AXIN2: variants seen among roughly 807,000 people sequenced by gnomAD.
The protein encoded by AXIN2 is axin-2.
Under a neutral mutation model 74.7 loss-of-function variants are expected in AXIN2, and 21 were observed. The observed-to-expected ratio is 0.28, with a 90% confidence interval of 0.20 to 0.40. AXIN2 has a LOEUF of 0.40. Among genes scored for constraint, AXIN2 ranks in the 10% least tolerant of loss-of-function variants. The pLI is 1.00. For missense variants in AXIN2, 1,144 were observed against 1,111.1 expected, an observed-to-expected ratio of 1.03 and a Z score of -0.42; for synonymous variants, 532 against 454.9, an observed-to-expected ratio of 1.17 and a Z score of -2.16.
In AXIN2 at chr17:65,536,495, G is replaced by T; in HGVS notation, c.1966C>A (p.Arg656=). The change falls in exon 8 of 11, where the codon CGA becomes AGA. Residue 656 remains arginine (R), a synonymous_variant. Transcript: ENST00000307078. ...CCCCACAGATGGTGCCGGCTGGCTCGTTCGCCTGGAGACGAGCGGGCAGAC... is the reference window on the plus strand; with the variant it reads ...CCCCACAGATGGTGCCGGCTGGCTCTTTCGCCTGGAGACGAGCGGGCAGAC... ...LESARSSPGE[R]ASRHHLWGGN... is the part of the protein sequence containing the mutation. The T allele has an allele frequency of 6.2e-7, 1 of 1,613,806 alleles. No homozygotes were observed. Among genetic ancestry groups the T allele is most frequent in the Non-Finnish European group, 8.5e-7 (1 of 1,180,000 alleles).
chr17:65,546,039 T>C (rs1349903416), intron 3 of AXIN2, among the ~76,000 whole-genome samples: 4 of 148,118 alleles, frequency 2.7e-5, no homozygotes, highest in East Asian at 4.0e-4. Context: ...TGTGACCCCC[T>C]CTCTCCCTCT....
Position 65,558,740 on chromosome 17 carries a change from G to C in AXIN2, c.-116-4C>G. On this transcript the variant is annotated splice_polypyrimidine_tract_variant and splice_region_variant and intron_variant, in intron 1 of 10. Transcript: ENST00000307078. ...GGGGCTCATCTGAACCTCCTCTCTG[G>C]AAAGAAAAGGAAGGGGGGAGGTGGG... The C allele has an allele frequency of 9.8e-7, 1 of 1,016,300 alleles. No individual in the cohort carries two copies. Among genetic ancestry groups the C allele is most frequent in the Middle Eastern group, 2.9e-4 (1 of 3,414 alleles). The allele number at this position is 1,016,300 out of a possible 1,614,324, so 63.0% of individuals were successfully genotyped here.
At chr17:65,559,503 G>C (rs1318273940) in intron 1 of AXIN2, 1 of 150,008 alleles carries the variant, frequency 6.7e-6, no homozygotes, top group Non-Finnish European at 1.5e-5. Context: ...CCCCAAACCA[G>C]AAACCAACTC....
At chr17:65,557,307 C>G (rs748821752) in intron 2 of AXIN2, among the ~76,000 whole-genome samples, 5 of 152,286 alleles carry the variant, frequency 3.3e-5, no homozygotes, top group Non-Finnish European at 5.9e-5. Flanking sequence ...ATTGCTGGCT[C>G]TTATCTTAAC....
intron 4 of AXIN2, among the ~76,000 whole-genome samples, chr17:65,540,959 CT>C (rs1257216096): frequency 1.3e-5 from 2 of 152,192 alleles, no homozygotes. Context: ...TCACTACAAC[CT>C]CCACCTCCCA....
chr17:65,560,286 C>T (rs2044345125), intron 1 of AXIN2: 1 of 152,268 alleles, frequency 6.6e-6, no homozygotes, highest in Non-Finnish European at 1.5e-5. Flanking sequence ...GACACGGGCG[C>T]CCCGGACTTG....
chr17:65,537,978 G>A (rs774900487), intron 5 of AXIN2, 143 bp from the exon 6 acceptor site: 306 of 1,342,442 alleles, frequency 2.3e-4, no homozygotes, highest in East Asian at 7.6e-5. Context: ...ACACGCACAG[G>A]CCCGCCTACA....
At position 65,529,970 on chromosome 17, in the gene AXIN2, C is replaced by G. The variant is rs2043789171; in HGVS notation, c.*6G>C. 12 of 1,614,176 alleles carry G rather than the reference C, an allele frequency of 7.4e-6. No homozygotes were observed. Among genetic ancestry groups the G allele is most frequent in the Non-Finnish European group, 1.0e-5 (12 of 1,180,022 alleles). ...CCAACAGTTCACCAAAGCCAGACCC[C>G]AGGGCTCAATCGATCCGCTCCACTT... is the stretch of plus-strand genomic sequence containing the variant. On this transcript the variant is annotated 3_prime_UTR_variant, in exon 11 of 11. Coordinates refer to ENST00000307078, the MANE Select transcript of AXIN2 (RefSeq NM_004655.4).
At chr17:65,560,849 G>A (rs1264038233) in intron 1 of AXIN2, 1 of 149,622 alleles carries the variant, frequency 6.7e-6, no homozygotes, top group Non-Finnish European at 1.5e-5. Context: ...CGCGCTCGGC[G>A]GCGAGACCTC....
At position 65,536,775 on chromosome 17, in the gene AXIN2, T is replaced by C. The variant is rs371172123; in HGVS notation, c.1907+94A>G. The C allele has an allele frequency of 1.9e-6, 3 of 1,544,892 alleles. No homozygotes were observed. In the East Asian group the frequency reaches 6.7e-5, roughly 35 times the overall value. On this transcript the variant is annotated intron_variant, in intron 7 of 10. Transcript: ENST00000307078. ...TGGCAGGAGCAAATAGTCACATTTGTATTCCGCGGACTGCAAAAACAGCCA... is the reference window on the plus strand; with the variant it reads ...TGGCAGGAGCAAATAGTCACATTTGCATTCCGCGGACTGCAAAAACAGCCA...
At chr17:65,532,831 C>T (rs899677852) in intron 10 of AXIN2, among the ~76,000 whole-genome samples, 4 of 152,334 alleles carry the variant, frequency 2.6e-5, no homozygotes, top group East Asian at 1.9e-4. Flanking sequence ...ACAGGGACAA[C>T]AGCACACAGC....
rs758075343 is a variant in AXIN2, at chr17:65,541,541, A to T, written c.973T>A (p.Tyr325Asn). 1.9e-6 allele frequency: 3 copies of T among 1,614,022 alleles called. No homozygotes were observed. Among genetic ancestry groups the T allele is most frequent in the Non-Finnish European group, 8.5e-7 (1 of 1,179,906 alleles). The change falls in exon 4 of 11, where the codon TAT becomes AAT. Residue 325 changes from tyrosine (Y) to asparagine (N), a missense_variant. Physicochemically the swap from Tyr to Asn is moderately radical, Grantham distance 143. Around this residue, in one of 4 missense-constraint regions of AXIN2, gnomAD observed 1,053 missense variants for 973.5 expected, o/e 1.08. Transcript: ENST00000307078. ...AGCTGTTTCTTACTGCCCACACGAT[A>T]AGGAGGAATTCCATCTCTAAGGGAA... is the stretch of plus-strand genomic sequence containing the variant. The part of the protein sequence containing the change: ...TDSSVDGIPP[Y>N]RVGSKKQLQR...
chr17:65,536,729 G>T, intron 7 of AXIN2, 140 bp downstream of exon 7: 1 of 1,442,808 alleles, frequency 6.9e-7, no homozygotes, highest in Non-Finnish European at 9.7e-7. Context: ...GGTCTGCTCA[G>T]TCCAACGTTT....
chr17:65,536,819 A>C, intron 7 of AXIN2, 50 bp downstream of exon 7: 1 of 1,609,442 alleles, frequency 6.2e-7, no homozygotes, highest in Non-Finnish European at 8.5e-7. Context: ...ATACCTCCGT[A>C]CTGAGTGCCC....
rs10438779 is a variant in AXIN2, at chr17:65,529,182, G to A, written c.*794C>T. 25 of 234,092 alleles carry A rather than the reference G, an allele frequency of 1.1e-4. No homozygotes were observed. Among genetic ancestry groups the A allele is most frequent in the Admixed American group, 9.0e-4 (16 of 17,850 alleles). 14.5% of individuals were successfully genotyped at this position (234,092 alleles called of 1,614,324 possible). ...CCCTGGGCCTGGGGAGGCTACATGA[G>A]GGGGAGCCTCAGTCACAGGATCAAC... On this transcript the variant is annotated 3_prime_UTR_variant, in exon 11 of 11. Coordinates refer to ENST00000307078, the MANE Select transcript of AXIN2 (RefSeq NM_004655.4).
chr17:65,549,696 C>A (rs767190766), intron 2 of AXIN2, 36 bp from the exon 3 acceptor site: 2 of 1,572,990 alleles, frequency 1.3e-6, no homozygotes, highest in African/African-American at 2.7e-5. Flanking sequence ...CAGTCACTGA[C>A]CCTCACCAGA....
At position 65,535,740 on chromosome 17, in the gene AXIN2, C is replaced by T. The variant is rs1248265570; in HGVS notation, c.2142-19G>A. 3.7e-6 allele frequency: 6 copies of T among 1,609,184 alleles called. No homozygotes were observed. The highest frequency in any genetic ancestry group is 1.7e-4 in the Middle Eastern group (1 of 6,032). The stretch of plus-strand genomic sequence containing the variant: ...ACAGCACCTGAGGACACAGCCAGGG[C>T]GAGGGATTTAGAGGTACACTGTTGT... On this transcript the variant is annotated intron_variant, in intron 8 of 10. Coordinates refer to ENST00000307078, the MANE Select transcript of AXIN2 (RefSeq NM_004655.4).
At chr17:65,531,919 A>C in intron 10 of AXIN2, among the ~76,000 whole-genome samples, 4 of 147,584 alleles carry the variant, frequency 2.7e-5, no homozygotes, top group Non-Finnish European at 1.5e-5. Context: ...CCCCAACCTC[A>C]CTGGGTCTTT....
chr17:65,532,306 C>T (rs2043835160), intron 10 of AXIN2, among the ~76,000 whole-genome samples: 1 of 152,200 alleles, frequency 6.6e-6, no homozygotes, highest in Non-Finnish European at 1.5e-5. Context: ...TGGCTCTTCT[C>T]CAAGGTCACC....
Sources: allele counts gnomAD v4.1 joint callset (sites outside exome capture counted in the v4.1 genomes callset), GRCh38; gene constraint gnomAD v4.1.1; regional missense constraint gnomAD v4.1.1; transcripts MANE v1.5; gene names NCBI Gene and HGNC (gene_info 2026-07-23, HGNC 2026-07-21).